The following PCDH15 variants were observed in gnomAD, a reference collection of about 807,000 sequenced individuals.
The protein encoded by PCDH15 is protocadherin related 15.
In PCDH15, 129 loss-of-function variants were observed where a neutral mutation model predicts 178.5. That is an observed-to-expected ratio of 0.72 (90% CI 0.63 to 0.84). PCDH15 has a LOEUF of 0.84. Ranked by LOEUF, PCDH15 falls within the 40% of genes least tolerant of loss-of-function variation. PCDH15 has a pLI of 0.00. For synonymous variants in PCDH15, 800 were observed against 732.0 expected, an observed-to-expected ratio of 1.09 and a Z score of -1.50; for missense variants, 2,230 against 2,099.9, an observed-to-expected ratio of 1.06 and a Z score of -1.21.
chr10:54,814,348 G>C (rs1270385682), intron 3 of PCDH15, among the ~76,000 whole-genome samples: 1 of 152,092 alleles, frequency 6.6e-6, no homozygotes, highest in East Asian at 1.9e-4. Context: ...AGTTTCATTT[G>C]TTAAGAAAGT....
intron 2 of PCDH15, among the ~76,000 whole-genome samples, chr10:54,633,575 A>G (rs2093761235): frequency 6.6e-6 from 1 of 152,052 alleles, no homozygotes; most frequent in South Asian, 2.1e-4. Context: ...AGCCCAGAGT[A>G]CCTAACAGTG....
chr10:53,853,862 A>G (rs2078554418), intron 28 of PCDH15, among the ~76,000 whole-genome samples: 1 of 151,984 alleles, frequency 6.6e-6, no homozygotes. Context: ...ATAGAAAACA[A>G]TTTTCTTTAA....
At chr10:54,460,525 G>A (rs1216512285) in intron 3 of PCDH15, among the ~76,000 whole-genome samples, 1 of 152,022 alleles carries the variant, frequency 6.6e-6, no homozygotes, top group East Asian at 1.9e-4. Context: ...ATGCAACAGG[G>A]CACCAAACAC....
intron 1 of PCDH15, among the ~76,000 whole-genome samples, chr10:54,757,088 A>G (rs1389701122): frequency 6.6e-6 from 1 of 152,156 alleles, no homozygotes; most frequent in Non-Finnish European, 1.5e-5. Context: ...GAGAAATATA[A>G]AAATTTGCTT....
intron 1 of PCDH15, among the ~76,000 whole-genome samples, chr10:55,301,018 G>A (rs1480643542): frequency 6.6e-6 from 1 of 152,156 alleles, no homozygotes; most frequent in Non-Finnish European, 1.5e-5. Context: ...GGACATCTGT[G>A]TGGTTTCTAG....
At chr10:55,436,876 A>G (rs1839053406) in intron 2 of PCDH15, among the ~76,000 whole-genome samples, 1 of 152,266 alleles carries the variant, frequency 6.6e-6, no homozygotes, top group Non-Finnish European at 1.5e-5. Context: ...AGAAAAAAAT[A>G]ATTTTGCCAC....
At chr10:54,334,057 G>T (rs1219085579) in intron 6 of PCDH15, among the ~76,000 whole-genome samples, 1 of 152,052 alleles carries the variant, frequency 6.6e-6, no homozygotes, top group Non-Finnish European at 1.5e-5. Context: ...TTTTTTGGGT[G>T]ATAAGAATTT....
chr10:53,971,947 T>G (rs2089731036), intron 21 of PCDH15, among the ~76,000 whole-genome samples: 2 of 114,398 alleles, frequency 1.7e-5, no homozygotes, highest in Non-Finnish European at 3.7e-5. Flanking sequence ...ACTTTAAATT[T>G]CATATGGAAC....
At chr10:54,009,936 G>A (rs757469806) in intron 20 of PCDH15, among the ~76,000 whole-genome samples, 3 of 152,200 alleles carry the variant, frequency 2.0e-5, no homozygotes, top group African/African-American at 7.2e-5. Context: ...AGTGGCTGTA[G>A]CTCCTGCAGC....
chr10:54,567,179 G>T (rs577938134), intron 2 of PCDH15, among the ~76,000 whole-genome samples: 1 of 152,072 alleles, frequency 6.6e-6, no homozygotes, highest in East Asian at 1.9e-4. Flanking sequence ...TAAAATGAGT[G>T]GTTTGTTTTC....
At chr10:53,995,606 T>G (rs1329396134) in intron 21 of PCDH15, 43 bp downstream of exon 21, 1 of 1,613,554 alleles carries the variant, frequency 6.2e-7, no homozygotes, top group South Asian at 1.1e-5. Context: ...TTAAGGATTT[T>G]TCTCAGTACA....
At chr10:55,588,588 T>C (rs953981295) in intron 2 of PCDH15, among the ~76,000 whole-genome samples, 3 of 152,028 alleles carry the variant, frequency 2.0e-5, no homozygotes, top group Admixed American at 6.6e-5. Context: ...ATAATGATCA[T>C]GTGCCATGTG....
At chr10:53,988,932 C>A (rs1589786798) in intron 21 of PCDH15, among the ~76,000 whole-genome samples, 1 of 152,026 alleles carries the variant, frequency 6.6e-6, no homozygotes, top group Non-Finnish European at 1.5e-5. Context: ...CAAATCAGCC[C>A]CTAGAATCAA....
chr10:55,544,160 A>ATG lies in PCDH15; in HGVS notation c.-156+83464_-156+83465insCA, dbSNP rs1399414272. Among the ~76,000 whole-genome samples, 34 of 141,376 alleles carry ATG rather than the reference A, an allele frequency of 2.4e-4. 1 individual carries two copies. Among genetic ancestry groups the ATG allele is most frequent in the African/African-American group, 8.5e-4 (33 of 38,806 alleles). The allele number at this position is 141,376 out of a possible 152,430, so 92.7% of individuals were successfully genotyped here. A position where few individuals can be genotyped will look rare whatever the true frequency, so the allele number is the denominator to read the frequency against. On this transcript the variant is annotated intron_variant, in intron 2 of 5. Coordinates refer to the PCDH15 transcript ENST00000613346. The stretch of plus-strand genomic sequence containing the variant: ...CATACATATATATATATATATATAT[A>ATG]TATATATATATATATTATACTGACA...
intron 28 of PCDH15, among the ~76,000 whole-genome samples, chr10:53,853,598 A>G (rs531871857): frequency 2.8e-4 from 42 of 152,210 alleles, no homozygotes; most frequent in Non-Finnish European, 5.4e-4. Context: ...ACCCAATTAA[A>G]AATGTGCAAA....
At chr10:54,128,248 G>C (rs774118821) in intron 15 of PCDH15, among the ~76,000 whole-genome samples, 4 of 152,130 alleles carry the variant, frequency 2.6e-5, no homozygotes, top group African/African-American at 9.7e-5. Context: ...GTGGTAGTCT[G>C]TGTTACATCT....
chr10:54,284,405 T>C (rs1591581898), intron 8 of PCDH15, among the ~76,000 whole-genome samples: 1 of 152,300 alleles, frequency 6.6e-6, no homozygotes, highest in East Asian at 1.9e-4. Flanking sequence ...TTTATTCTTA[T>C]GATTGGGCAA....
At chr10:54,921,744 A>G (rs1407600617) in intron 2 of PCDH15, among the ~76,000 whole-genome samples, 1 of 151,914 alleles carries the variant, frequency 6.6e-6, no homozygotes, top group Non-Finnish European at 1.5e-5. Flanking sequence ...GTATTAGTCC[A>G]CTCTAGAACT....
chr10:54,445,169 T>C (rs147040303), intron 3 of PCDH15, among the ~76,000 whole-genome samples: 40 of 151,474 alleles, frequency 2.6e-4, no homozygotes, highest in Middle Eastern at 6.8e-3. Context: ...AATTGTTTTG[T>C]TTGTAATTTT....
Sources: gnomAD v4.1 joint callset for allele counts (sites outside exome capture counted in the v4.1 genomes callset) on GRCh38, gnomAD v4.1.1 for gene constraint, MANE v1.5 for transcripts, NCBI Gene and HGNC (gene_info 2026-07-23, HGNC 2026-07-21) for gene names.